The following ACE variants were observed in gnomAD, a reference collection of about 807,000 sequenced individuals.
ACE encodes angiotensin I converting enzyme.
In ACE, 122 loss-of-function variants were observed where a neutral mutation model predicts 162.3. The ratio of observed to expected loss-of-function variants is 0.75; its 90% CI spans 0.65 to 0.87. ACE has a LOEUF of 0.87. ACE is among the 40% of genes least tolerant of loss of function. The pLI, the probability that ACE is intolerant of heterozygous loss-of-function variation, is 0.00. For missense variants in ACE, 1,799 were observed against 1,735.1 expected, an observed-to-expected ratio of 1.04 and a Z score of -0.65; for synonymous variants, 796 against 720.6, an observed-to-expected ratio of 1.10 and a Z score of -1.68.
intron 4 of ACE, 48 bp downstream of exon 4, chr17:63,479,960 C>G: frequency 1.9e-6 from 3 of 1,571,634 alleles, no homozygotes; most frequent in Non-Finnish European, 2.6e-6. Context: ...TGTCCTCTCT[C>G]AGCTGTCTCC....
chr17:63,480,507 C>T lies in ACE; in HGVS notation c.826C>T (p.Pro276Ser), dbSNP rs777657188. Reference sequence around the variant, plus strand: ...AGACAGATACATCAACCTCAGGGGACCCATCCCTGCTCATCTGCTGGGTAA... The same window carrying T: ...AGACAGATACATCAACCTCAGGGGATCCATCCCTGCTCATCTGCTGGGTAA... ...YGDRYINLRG[P>S]IPAHLLGDMW... The change falls in exon 5 of 25, where the codon CCC becomes TCC. Residue 276 changes from proline to serine, a missense_variant. Pro to Ser is a moderately conservative substitution (Grantham distance 74). Transcript: ENST00000290866. 1.9e-6 allele frequency: 3 copies of T among 1,613,760 alleles called. No homozygotes were observed. The Admixed American group carries it at 5.0e-5, about 27-fold the overall frequency.
At chr17:63,494,325 C>G in intron 21 of ACE, 47 bp from the exon 22 acceptor site, 1 of 1,579,820 alleles carries the variant, frequency 6.3e-7, no homozygotes, top group Non-Finnish European at 8.7e-7. Flanking sequence ...CACCCCCAGC[C>G]TGGTTCTCCC....
At chr17:63,486,068 C>A (rs770746147) in intron 13 of ACE, among the ~76,000 whole-genome samples, 8 of 152,328 alleles carry the variant, frequency 5.3e-5, no homozygotes, top group Middle Eastern at 3.4e-3. Flanking sequence ...AAAGGGGCTA[C>A]ACTTCCTCTT....
At chr17:63,481,760 G>A (rs1014645480) in intron 7 of ACE, 22 bp downstream of exon 7, 7 of 1,613,740 alleles carry the variant, frequency 4.3e-6, no homozygotes, top group African/African-American at 1.3e-5. Context: ...GGAAGAGCAC[G>A]TTCTGGGGTT....
chr17:63,483,926 ACCAGTGTGACATCTACCGGT>A lies in ACE; in HGVS notation c.1668_1687del (p.Gln556HisfsTer72). 6.2e-7 allele frequency: 1 copy of A among 1,614,078 alleles called. No individual in the cohort carries two copies. Among genetic ancestry groups the A allele is most frequent in the Non-Finnish European group, 8.5e-7 (1 of 1,180,004 alleles). On this transcript the variant is annotated frameshift_variant, in exon 11 of 25. Transcript: ENST00000290866. LOFTEE classifies it high-confidence loss of function. ...GAGGCAGGCTATGAGGGCCCACTGCACCAGTGTGACATCTACCGGTCCACCAAGGCAGGGGCCAAGCTCCG... is the reference window on the plus strand; with the variant it reads ...GAGGCAGGCTATGAGGGCCCACTGCACCACCAAGGCAGGGGCCAAGCTCCG...
At position 63,480,481 on chromosome 17, in the gene ACE, GA is replaced by G. The variant is rs1462640798; in HGVS notation, c.801del (p.Asp268ThrfsTer188). 6.2e-7 allele frequency: 1 copy of G among 1,614,052 alleles called. No individual in the cohort carries two copies. The highest frequency in any genetic ancestry group is 2.2e-5 in the East Asian group (1 of 44,888). On this transcript the variant is annotated frameshift_variant, in exon 5 of 25. Transcript: ENST00000290866. LOFTEE classifies it high-confidence loss of function. ...CGCCGCGCACTGCATCGCCGATACG[GA>G]GACAGATACATCAACCTCAGGGGAC... ...FVRRALHRRYGDRYINLRGPI... is the reference protein window; with the variant it reads ...FVRRALHRRYXDRYINLRGPI...
At position 63,484,323 on chromosome 17, in the gene ACE, C is replaced by G. The variant is rs112238315; in HGVS notation, c.1710-7C>G. 1 of 1,608,854 alleles carries G rather than the reference C, an allele frequency of 6.2e-7. No individual in the cohort carries two copies. Among genetic ancestry groups the G allele is most frequent in the Admixed American group, 1.7e-5 (1 of 59,778 alleles). On this transcript the variant is annotated splice_region_variant and splice_polypyrimidine_tract_variant and intron_variant, in intron 11 of 24. Transcript: ENST00000290866. The surrounding 1 kb of genome is among the most constrained non-coding windows in gnomAD (Gnocchi z 4.0). ...CCTGTGCCCATGGTACCCACTCTGCCCACCAGGAAGGTGCTGCAGGCTGGC... is the reference window on the plus strand; with the variant it reads ...CCTGTGCCCATGGTACCCACTCTGCGCACCAGGAAGGTGCTGCAGGCTGGC...
intron 6 of ACE, 65 bp downstream of exon 6, chr17:63,481,253 C>T: frequency 7.0e-7 from 1 of 1,428,914 alleles, no homozygotes; most frequent in African/African-American, 1.4e-5. Flanking sequence ...AAGGGAGTCA[C>T]AGATGGGCAC....
In ACE at chr17:63,491,115, T is replaced by A. The variant is rs2030347661; in HGVS notation, c.2739+64T>A. The A allele has an allele frequency of 6.2e-7, 1 of 1,608,338 alleles. No individual in the cohort carries two copies. The highest frequency in any genetic ancestry group is 1.7e-5 in the Admixed American group (1 of 59,972). On this transcript the variant is annotated intron_variant, in intron 18 of 24. Coordinates refer to ENST00000290866, the MANE Select transcript of ACE (RefSeq NM_000789.4). The surrounding 1 kb of genome is among the most constrained non-coding windows in gnomAD (Gnocchi z 4.4). ...TGGGAGGGACCCTCTGATTCAGGAGTTCCCTCCAGTTTAGCCCTCCCCCGG... is the reference window on the plus strand; with the variant it reads ...TGGGAGGGACCCTCTGATTCAGGAGATCCCTCCAGTTTAGCCCTCCCCCGG...
intron 5 of ACE, among the ~76,000 whole-genome samples, chr17:63,480,827 C>A (rs1264417441): frequency 6.6e-6 from 1 of 152,242 alleles, no homozygotes. Flanking sequence ...AGGAAACAAG[C>A]ACTGTGGCCC....
chr17:63,484,208 T>G lies in ACE; in HGVS notation c.1710-122T>G. 1 of 1,303,438 alleles carries G rather than the reference T, an allele frequency of 7.7e-7. No homozygotes were observed. Among genetic ancestry groups the G allele is most frequent in the Non-Finnish European group, 1.1e-6 (1 of 938,692 alleles). 80.7% of individuals were successfully genotyped at this position (1,303,438 alleles called of 1,614,324 possible). A position where few individuals can be genotyped will look rare whatever the true frequency, so the allele number is the denominator to read the frequency against. On this transcript the variant is annotated intron_variant, in intron 11 of 24. Transcript: ENST00000290866. This position sits in a 1 kb window ranked among gnomAD's most constrained non-coding sequence, Gnocchi z 4.0. Reference sequence around the variant, plus strand: ...CAGAGAGATCCCAGGCCCCAGGGTCTTATTGCCACAGTTTCTGCAGTCCAT... The same window carrying G: ...CAGAGAGATCCCAGGCCCCAGGGTCGTATTGCCACAGTTTCTGCAGTCCAT...
intron 1 of ACE, 34 bp from the exon 2 acceptor site, chr17:63,477,897 C>G: frequency 3.1e-6 from 5 of 1,590,682 alleles, no homozygotes; most frequent in Non-Finnish European, 3.4e-6. Context: ...TAAGCAGGGT[C>G]CTACACCCTC....
chr17:63,483,283 C>T, intron 9 of ACE, 110 bp downstream of exon 9: 2 of 1,576,912 alleles, frequency 1.3e-6, no homozygotes, highest in Non-Finnish European at 1.7e-6. Context: ...CTAATGATGT[C>T]CCCCGCTGTG....
intron 7 of ACE, 51 bp from the exon 8 acceptor site, chr17:63,482,415 G>GC: frequency 6.4e-7 from 1 of 1,555,650 alleles, no homozygotes; most frequent in South Asian, 1.1e-5. Flanking sequence ...CCCTGGCCCT[G>GC]CCCTGTTCTG....
At chr17:63,490,805 G>T (rs769010049) in intron 17 of ACE, 149 bp from the exon 18 acceptor site, 2 of 761,280 alleles carry the variant, frequency 2.6e-6, no homozygotes, top group Non-Finnish European at 4.6e-6. Context: ...AAGATGATGT[G>T]TGCCTCAAAG....
At chr17:63,487,308 G>T (rs1251139062) in intron 15 of ACE, among the ~76,000 whole-genome samples, 1 of 152,090 alleles carries the variant, frequency 6.6e-6, no homozygotes, top group East Asian at 1.9e-4. Context: ...CTCTGCTTAA[G>T]GGTGTCCACT....
Position 63,487,093 on chromosome 17 carries a change from C to T in ACE, c.2305+20C>T. 1 of 1,610,448 alleles carries T rather than the reference C, an allele frequency of 6.2e-7. No individual in the cohort carries two copies. Among genetic ancestry groups the T allele is most frequent in the Non-Finnish European group, 8.5e-7 (1 of 1,177,384 alleles). On this transcript the variant is annotated intron_variant, in intron 15 of 24. Transcript: ENST00000290866. ...AGCCAGGTGAGAGCTCATGTGCAGGCTGAGTGAGAGGCGAGGGCTGGGACT... is the reference window on the plus strand; with the variant it reads ...AGCCAGGTGAGAGCTCATGTGCAGGTTGAGTGAGAGGCGAGGGCTGGGACT...
intron 13 of ACE, 48 bp downstream of exon 13, chr17:63,485,420 A>T: frequency 6.2e-7 from 1 of 1,610,240 alleles, no homozygotes; most frequent in East Asian, 2.2e-5. Context: ...GCATACACAC[A>T]GAGATGCTGT....
chr17:63,477,838 C>T, intron 1 of ACE, 93 bp from the exon 2 acceptor site: 1 of 1,492,112 alleles, frequency 6.7e-7, no homozygotes, highest in East Asian at 2.5e-5. Flanking sequence ...AAGCCCTTGG[C>T]CTTCCTCCCC....
Sources: allele counts gnomAD v4.1 joint callset (sites outside exome capture counted in the v4.1 genomes callset), GRCh38; gene constraint gnomAD v4.1.1; non-coding constraint Gnocchi (gnomAD v3.1); transcripts MANE v1.5; gene names NCBI Gene and HGNC (gene_info 2026-07-23, HGNC 2026-07-21).